The following DTNBP1 variants were observed in gnomAD, a reference collection of about 807,000 sequenced individuals.
The protein encoded by DTNBP1 is dystrobrevin binding protein 1.
Under a neutral mutation model 42.8 loss-of-function variants are expected in DTNBP1, and 35 were observed. The observed-to-expected ratio is 0.82, with a 90% CI of 0.63 to 1.09. The LOEUF (loss-of-function observed/expected upper bound fraction) is 1.09, where lower values mean the gene tolerates loss of function less well. DTNBP1 is among the 50% of genes least tolerant of loss of function. The pLI, the probability that DTNBP1 is intolerant of heterozygous loss-of-function variation, is 0.00. For synonymous variants in DTNBP1, 171 were observed against 162.2 expected (o/e 1.05, Z -0.41); for missense variants, 457 against 424.2 (o/e 1.08, Z -0.68).
At chr6:15,574,592 T>C (rs1775483788) in intron 7 of DTNBP1, among the ~76,000 whole-genome samples, 1 of 152,218 alleles carries the variant, frequency 6.6e-6, no homozygotes, top group Non-Finnish European at 1.5e-5. Context: ...GTGAATCTAT[T>C]GTCACACTCT....
intron 1 of DTNBP1, among the ~76,000 whole-genome samples, chr6:15,658,326 T>C (rs1353859611): frequency 6.6e-6 from 1 of 152,118 alleles, no homozygotes; most frequent in Non-Finnish European, 1.5e-5. Context: ...CCCGGAAAAG[T>C]CAACATTTCA....
intron 8 of DTNBP1, among the ~76,000 whole-genome samples, chr6:15,531,395 G>A (rs1040783113): frequency 2.2e-4 from 34 of 152,262 alleles, no homozygotes; most frequent in African/African-American, 7.5e-4. Flanking sequence ...AATCCTGCAC[G>A]TATGCTCGGA....
At chr6:15,652,251 T>G in intron 1 of DTNBP1, 111 bp from the exon 2 acceptor site, 1 of 774,134 alleles carries the variant, frequency 1.3e-6, no homozygotes, top group Non-Finnish European at 2.1e-6. Flanking sequence ...ACATGTACAT[T>G]ACTCACTGCA....
At chr6:15,545,090 G>A (rs569418801) in intron 7 of DTNBP1, among the ~76,000 whole-genome samples, 2 of 151,696 alleles carry the variant, frequency 1.3e-5, no homozygotes, top group African/African-American at 4.8e-5. Context: ...TTTCAAATAA[G>A]GTATACACAA....
intron 7 of DTNBP1, among the ~76,000 whole-genome samples, chr6:15,577,313 T>C (rs1775622429): frequency 6.6e-6 from 1 of 152,084 alleles, no homozygotes; most frequent in Admixed American, 6.5e-5. Context: ...CACAGAGAGT[T>C]TGGCACGAGG....
intron 4 of DTNBP1, among the ~76,000 whole-genome samples, chr6:15,633,512 G>C (rs183683766): frequency 4.9e-4 from 74 of 152,326 alleles, no homozygotes; most frequent in African/African-American, 1.7e-3. Flanking sequence ...GGTAAAAATA[G>C]CAAGAGAACT....
intron 7 of DTNBP1, among the ~76,000 whole-genome samples, chr6:15,579,515 G>C (rs547271364): frequency 3.7e-4 from 56 of 152,296 alleles, no homozygotes; most frequent in South Asian, 2.7e-3. Context: ...AGCTATAAAA[G>C]TGGATTTTGG....
rs547560010 is a variant in DTNBP1 at position 15,553,567 on chromosome 6, A to G, written c.512-20172T>C. On this transcript the variant is annotated intron_variant, in intron 7 of 9. Transcript: ENST00000344537. Reference sequence around the variant, plus strand: ...ACTTCATTCTATTCTTCATGTGCAAAGCAGTTCAATGCTCTTGACAAGTGA... The same window carrying G: ...ACTTCATTCTATTCTTCATGTGCAAGGCAGTTCAATGCTCTTGACAAGTGA... Among the ~76,000 whole-genome samples the G allele has an allele frequency of 1.0e-4, 12 of 118,934 alleles. No individual in the cohort carries two copies. The South Asian group carries it at 3.3e-3, about 33-fold the overall frequency. 78.0% of individuals were successfully genotyped at this position (118,934 alleles called of 152,430 possible). A position where few individuals can be genotyped will look rare whatever the true frequency, so the allele number is the denominator to read the frequency against.
rs1399031493 is a variant in DTNBP1 at position 15,547,810 on chromosome 6, CCA to C, written c.512-14417_512-14416del. ...CCAGATCTGTGCTTTGTCCTGAACT[CCA>C]GATATAACAGAGTGGGTTCTCATCC... On this transcript the variant is annotated intron_variant, in intron 7 of 9. Transcript: ENST00000344537. Among the ~76,000 whole-genome samples the C allele has an allele frequency of 2.0e-5, 3 of 152,320 alleles. No individual in the cohort carries two copies. The East Asian group carries it at 5.8e-4, about 29-fold the overall frequency.
chr6:15,563,856 C>T (rs1298593254), intron 7 of DTNBP1, among the ~76,000 whole-genome samples: 1 of 152,096 alleles, frequency 6.6e-6, no homozygotes, highest in Non-Finnish European at 1.5e-5. Flanking sequence ...GGTGGAACAC[C>T]TGAAGTCAGG....
At chr6:15,563,514 C>T (rs1774933371) in intron 7 of DTNBP1, among the ~76,000 whole-genome samples, 1 of 152,208 alleles carries the variant, frequency 6.6e-6, no homozygotes, top group Non-Finnish European at 1.5e-5. Flanking sequence ...TAGATACTGA[C>T]CATCTGTATA....
At chr6:15,648,514 CA>C in intron 3 of DTNBP1, among the ~76,000 whole-genome samples, 1 of 151,970 alleles carries the variant, frequency 6.6e-6, no homozygotes, top group Middle Eastern at 3.4e-3. Context: ...AAGTTCCACA[CA>C]AAAAACTATC....
intron 6 of DTNBP1, among the ~76,000 whole-genome samples, chr6:15,608,629 G>A (rs897324378): frequency 2.0e-5 from 3 of 152,190 alleles, no homozygotes; most frequent in East Asian, 1.9e-4. Flanking sequence ...CTTGTGTGTG[G>A]AGCACATCCT....
chr6:15,663,023 A>AT lies in DTNBP1; in HGVS notation c.-155_-154insA. 1 of 1,095,158 alleles carries AT rather than the reference A, an allele frequency of 9.1e-7. No homozygotes were observed. The highest frequency in any genetic ancestry group is 1.3e-6 in the Non-Finnish European group (1 of 773,484). 67.8% of individuals were successfully genotyped at this position (1,095,158 alleles called of 1,614,324 possible). ...GGTCTGGTCCTCGCCGCCGCGCCGCAACCCCAGCCCCTTCCGCGTTCCCGC... is the reference window on the plus strand; with the variant it reads ...GGTCTGGTCCTCGCCGCCGCGCCGCATACCCCAGCCCCTTCCGCGTTCCCGC... On this transcript the variant is annotated 5_prime_UTR_variant, in exon 1 of 10. The change creates a new upstream start codon in the 5' untranslated region. Transcript: ENST00000344537.
chr6:15,573,917 C>T (rs1265874705), intron 7 of DTNBP1, among the ~76,000 whole-genome samples: 5 of 152,058 alleles, frequency 3.3e-5, no homozygotes, highest in Non-Finnish European at 2.9e-5. Context: ...ATCTTGGCCA[C>T]GCTGGTCTTC....
At chr6:15,582,371 A>G (rs1166159505) in intron 7 of DTNBP1, among the ~76,000 whole-genome samples, 1 of 152,164 alleles carries the variant, frequency 6.6e-6, no homozygotes, top group Non-Finnish European at 1.5e-5. Context: ...CAATTTTCTC[A>G]TCTCACAGGG....
intron 7 of DTNBP1, among the ~76,000 whole-genome samples, chr6:15,555,967 G>A (rs912169803): frequency 6.6e-6 from 1 of 152,070 alleles, no homozygotes; most frequent in African/African-American, 2.4e-5. Context: ...GAGAAACCCC[G>A]ACCCAAAAGA....
intron 7 of DTNBP1, among the ~76,000 whole-genome samples, chr6:15,551,701 C>T (rs1774219384): frequency 6.6e-6 from 1 of 152,202 alleles, no homozygotes; most frequent in Admixed American, 6.5e-5. Context: ...CTGGATGCCA[C>T]GTTCCTCGAG....
chr6:15,523,231 CGTAGGGAAG>C lies in DTNBP1; in HGVS notation c.812-21_812-13del. 1 of 1,613,906 alleles carries C rather than the reference CGTAGGGAAG, an allele frequency of 6.2e-7. No individual in the cohort carries two copies. Among genetic ancestry groups the C allele is most frequent in the Non-Finnish European group, 8.5e-7 (1 of 1,179,954 alleles). ...ACTGGATTCAGGCCCTGCAAAATAACGTAGGGAAGAAAAAGCCCTGTCATAAAAATATTG... is the reference window on the plus strand; with the variant it reads ...ACTGGATTCAGGCCCTGCAAAATAACAAAAAGCCCTGTCATAAAAATATTG... On this transcript the variant is annotated splice_polypyrimidine_tract_variant and intron_variant, in intron 9 of 9. Coordinates refer to ENST00000344537, the MANE Select transcript of DTNBP1 (RefSeq NM_032122.5).
Sources: allele counts gnomAD v4.1 joint callset (sites outside exome capture counted in the v4.1 genomes callset), GRCh38; gene constraint gnomAD v4.1.1; transcripts MANE v1.5; gene names NCBI Gene and HGNC (gene_info 2026-07-23, HGNC 2026-07-21).